Variants in DPEP1 observed in about 807,000 individuals in gnomAD.
DPEP1 encodes dipeptidase 1, also known as beta-lactamase.
A neutral mutation model predicts 42.3 loss-of-function variants in DPEP1; 50 were observed. The ratio of observed to expected loss-of-function variants is 1.18; its 90% confidence interval spans 0.94 to 1.50. The LOEUF (loss-of-function observed/expected upper bound fraction) is 1.50, where lower values mean the gene tolerates loss of function less well. Ranked by LOEUF, DPEP1 falls within the 40% of genes most tolerant of loss-of-function variation. The probability of loss-of-function intolerance (pLI) is 0.00; values close to 1 mark genes in which losing one functional copy is unlikely to be tolerated. For missense variants in DPEP1, 663 were observed against 553.0 expected (o/e 1.20, Z -1.99); for synonymous variants, 297 against 234.0 (o/e 1.27, Z -2.46).
In DPEP1 at chr16:89,636,376, T is replaced by G; in HGVS notation, c.350T>G (p.Leu117Arg). ...TGCCGGATGTACCCGGAGACCTTCC[T>G]GTATGTCACCAGCAGTGCAGGTGGG... is the stretch of plus-strand genomic sequence containing the variant. ...RMCRMYPETF[L>R]YVTSSAGIRQ... The change falls in exon 4 of 11, where the codon CTG becomes CGG. Residue 117 changes from leucine to arginine, a missense_variant. Transcript: ENST00000690203. 1 of 1,612,376 alleles carries G rather than the reference T, an allele frequency of 6.2e-7. No homozygotes were observed. The highest frequency in any genetic ancestry group is 8.5e-7 in the Non-Finnish European group (1 of 1,179,744).
intron 1 of DPEP1, among the ~76,000 whole-genome samples, chr16:89,624,202 A>C (rs2059479438): frequency 6.6e-6 from 1 of 152,260 alleles, no homozygotes; most frequent in East Asian, 1.9e-4. Context: ...GCATTGCTCC[A>C]AAGAAATCCC....
chr16:89,640,500 G>A (rs1008340816), downstream of DPEP1: 1 of 918,046 alleles, frequency 1.1e-6, no homozygotes, highest in African/African-American at 1.8e-5. Flanking sequence ...TGGAGCAGCA[G>A]CCCCTGCAGG....
intron 1 of DPEP1, among the ~76,000 whole-genome samples, chr16:89,615,696 C>G (rs999211016): frequency 5.3e-5 from 8 of 152,182 alleles, no homozygotes; most frequent in Admixed American, 5.2e-4. Context: ...CCGCGAGGCC[C>G]CGGTGAACTG....
intron 1 of DPEP1, among the ~76,000 whole-genome samples, chr16:89,615,817 G>A (rs1441062132): frequency 1.3e-5 from 2 of 152,178 alleles, no homozygotes; most frequent in South Asian, 2.1e-4. Flanking sequence ...CTGGCCGGCT[G>A]GTGGGGTGTG....
chr16:89,641,266 G>A (rs182611311), downstream of DPEP1, among the ~76,000 whole-genome samples: 1 of 152,132 alleles, frequency 6.6e-6, no homozygotes, highest in Admixed American at 6.5e-5. Flanking sequence ...AGATGGTGGA[G>A]CAGAGTCTTT....
intron 1 of DPEP1, among the ~76,000 whole-genome samples, chr16:89,623,234 C>T (rs1164899815): frequency 2.6e-5 from 4 of 151,854 alleles, no homozygotes; most frequent in East Asian, 1.9e-4. Context: ...GTGGGAGGAT[C>T]GCTTGAGCCT....
chr16:89,637,340 C>T lies in DPEP1; in HGVS notation c.728C>T (p.Ala243Val), dbSNP rs748610618. 4 of 1,612,346 alleles carry T rather than the reference C, an allele frequency of 2.5e-6. No individual in the cohort carries two copies. Among genetic ancestry groups the T allele is most frequent in the South Asian group, 2.2e-5 (2 of 91,072 alleles). Residue 243 changes from alanine to valine, a missense_variant, in exon 7 of 11, where the codon GCA becomes GTA. Physicochemically the swap from Ala to Val is moderately conservative, Grantham distance 64. Coordinates refer to ENST00000690203, the MANE Select transcript of DPEP1 (RefSeq NM_001389466.1). ...FSHSSAYSVC[A>V]SRRNVPDDVL... is the part of the protein sequence containing the mutation. The stretch of plus-strand genomic sequence containing the variant: ...CACTCCTCGGCCTACAGCGTGTGCG[C>T]AAGCCGGCGCAACGTGCCTGACGAC...
intron 2 of DPEP1, among the ~76,000 whole-genome samples, chr16:89,635,464 C>G (rs186672057): frequency 2.8e-4 from 42 of 152,230 alleles, no homozygotes; most frequent in South Asian, 6.2e-4. Context: ...GTTCCAATTA[C>G]CCAGCCACCC....
downstream of DPEP1, chr16:89,638,596 A>G: frequency 4.1e-6 from 3 of 725,734 alleles, no homozygotes; most frequent in East Asian, 1.7e-4. Context: ...ACACTGCTTG[A>G]GCGTCTTTAG....
In DPEP1 at chr16:89,636,400, G is replaced by T; in HGVS notation, c.370+4G>T. On this transcript the variant is annotated splice_donor_region_variant and intron_variant, in intron 4 of 10. Transcript: ENST00000690203. ...CTGTATGTCACCAGCAGTGCAGGTG[G>T]GGTCCTGACCTGGGTCCTCCAGGTC... The T allele has an allele frequency of 6.2e-7, 1 of 1,610,752 alleles. No individual in the cohort carries two copies. Among genetic ancestry groups the T allele is most frequent in the South Asian group, 1.1e-5 (1 of 90,840 alleles).
chr16:89,635,758 G>T lies in DPEP1; in HGVS notation c.105-150G>T, dbSNP rs1283573289. 10 of 1,140,486 alleles carry T rather than the reference G, an allele frequency of 8.8e-6. No homozygotes were observed. In the Admixed American group the frequency reaches 2.7e-4, roughly 31 times the overall value. 70.6% of individuals were successfully genotyped at this position (1,140,486 alleles called of 1,614,324 possible). A position where few individuals can be genotyped will look rare whatever the true frequency, so the allele number is the denominator to read the frequency against. The stretch of plus-strand genomic sequence containing the variant: ...CTGCACAGGTGTGTTCAGGTGGCCG[G>T]TGATATGTCACCCCCGCGGCCTAGA... On this transcript the variant is annotated intron_variant, in intron 2 of 10. Transcript: ENST00000690203.
At chr16:89,640,322 C>T (rs1300958561), downstream of DPEP1, among the ~76,000 whole-genome samples, 1 of 152,210 alleles carries the variant, frequency 6.6e-6, no homozygotes, top group African/African-American at 2.4e-5. Flanking sequence ...GCCCAGGTCA[C>T]TTCCAGATCT....
Position 89,630,391 on chromosome 16 carries a change from A to G in DPEP1, c.-20A>G, listed in dbSNP as rs1194257260. ...GAGGCACCAGGGCAGCAGTGCACAC[A>G]GGTCCCCGGGGACCCCACCATGTGG... On this transcript the variant is annotated 5_prime_UTR_variant, in exon 2 of 11. Coordinates refer to ENST00000690203, the MANE Select transcript of DPEP1 (RefSeq NM_001389466.1). The G allele has an allele frequency of 1.3e-6, 2 of 1,599,546 alleles. No homozygotes were observed. Among genetic ancestry groups the G allele is most frequent in the South Asian group, 1.1e-5 (1 of 90,330 alleles).
Position 89,617,540 on chromosome 16 carries a change from G to A in DPEP1, c.-107+3821G>A, listed in dbSNP as rs576911591. On this transcript the variant is annotated intron_variant, in intron 1 of 10. Coordinates refer to ENST00000690203, the MANE Select transcript of DPEP1 (RefSeq NM_001389466.1). ...AAGGACAGGAGCCCACACCTGTGCC[G>A]GTCTGTGCCAGAAATGCTGGAAGGC... Among the ~76,000 whole-genome samples, 10 of 146,034 alleles carry A rather than the reference G, an allele frequency of 6.8e-5. No individual in the cohort carries two copies. The East Asian group carries it at 1.4e-3, about 21-fold the overall frequency.
Position 89,630,486 on chromosome 16 carries a change from A to C in DPEP1, c.76A>C (p.Ile26Leu). The change falls in exon 2 of 11, where the codon ATC becomes CTC. Residue 26 changes from isoleucine (I) to leucine (L), a missense_variant. Physicochemically the swap from Ile to Leu is conservative, Grantham distance 5. Coordinates refer to ENST00000690203, the MANE Select transcript of DPEP1 (RefSeq NM_001389466.1). ...ADFFRDEAER[I>L]MRDSPVIDGH... ...CTTCTTTCGGGACGAGGCAGAGAGG[A>C]TCATGAGGGACTCCCCTGTCATTGA... 2 of 1,600,976 alleles carry C rather than the reference A, an allele frequency of 1.2e-6. No homozygotes were observed. Among genetic ancestry groups the C allele is most frequent in the Admixed American group, 3.4e-5 (2 of 58,604 alleles).
At chr16:89,623,702 G>A (rs923702436) in intron 1 of DPEP1, among the ~76,000 whole-genome samples, 2 of 152,060 alleles carry the variant, frequency 1.3e-5, no homozygotes, top group Admixed American at 1.3e-4. Context: ...CAAAACAGAG[G>A]AAATGGAGTG....
At chr16:89,623,964 C>T (rs1166238772) in intron 1 of DPEP1, among the ~76,000 whole-genome samples, 1 of 152,142 alleles carries the variant, frequency 6.6e-6, no homozygotes, top group Admixed American at 6.5e-5. Flanking sequence ...GAGGGAACAG[C>T]GGTTGCCCAC....
chr16:89,634,311 T>A (rs1244889799), intron 2 of DPEP1, among the ~76,000 whole-genome samples: 1 of 151,972 alleles, frequency 6.6e-6, no homozygotes, highest in South Asian at 2.1e-4. Context: ...ATGATCTCGA[T>A]CTCCTGACCT....
intron 1 of DPEP1, among the ~76,000 whole-genome samples, chr16:89,628,144 G>A (rs1475731111): frequency 3.3e-5 from 5 of 151,850 alleles, no homozygotes; most frequent in Non-Finnish European, 5.9e-5. Flanking sequence ...GGATGGTCTC[G>A]ATCTCCTGAC....
Sources: gnomAD v4.1 joint callset for allele counts (sites outside exome capture counted in the v4.1 genomes callset) on GRCh38, gnomAD v4.1.1 for gene constraint, MANE v1.5 for transcripts, NCBI Gene and HGNC (gene_info 2026-07-23, HGNC 2026-07-21) for gene names.